CHRDL1: variants seen among roughly 807,000 people sequenced by gnomAD.
CHRDL1 encodes chordin-like protein 1.
CHRDL1 carries 19 observed loss-of-function variants against 40.9 expected under a neutral mutation model. The observed-to-expected ratio is 0.46, with a 90% CI of 0.32 to 0.68. CHRDL1 has a LOEUF of 0.68. CHRDL1 is among the 30% of genes least tolerant of loss of function. The pLI, the probability that CHRDL1 is intolerant of heterozygous loss-of-function variation, is 0.03. For synonymous variants in CHRDL1, 136 were observed against 123.4 expected (o/e 1.10, Z -0.68); for missense variants, 329 against 352.1 (o/e 0.93, Z 0.53).
chrX:110,716,380 G>A (rs183071602), intron 6 of CHRDL1, among the ~76,000 whole-genome samples: 23 of 109,952 alleles, frequency 2.1e-4, no homozygotes, highest in African/African-American at 6.3e-4. Flanking sequence ...ACTCTGCCTG[G>A]CACAGTGGGA....
chrX:110,723,585 C>G lies in CHRDL1; in HGVS notation c.302-2055G>C, dbSNP rs571431427. Among the ~76,000 whole-genome samples, 51 of 111,544 alleles carry G rather than the reference C, an allele frequency of 4.6e-4. 1 individual carries two copies. Among genetic ancestry groups the G allele is most frequent in the African/African-American group, 1.4e-3 (44 of 30,629 alleles). On this transcript the variant is annotated intron_variant, in intron 4 of 11. Transcript: ENST00000372042. ...GATATAACTTGATGTCTGACTGATT[C>G]TAGAACCTTCCCTCATAACCACTAT... is the stretch of plus-strand genomic sequence containing the variant.
chrX:110,779,879 C>G (rs138973885), intron 2 of CHRDL1, among the ~76,000 whole-genome samples: 7 of 111,581 alleles, frequency 6.3e-5, no homozygotes, highest in African/African-American at 9.7e-5. Flanking sequence ...TAGCTTTCAT[C>G]ATATAGATAC....
At chrX:110,731,434 T>A (rs1406602902) in intron 4 of CHRDL1, among the ~76,000 whole-genome samples, 1 of 111,215 alleles carries the variant, frequency 9.0e-6, no homozygotes, top group African/African-American at 3.3e-5. Flanking sequence ...AATCTAGCAG[T>A]CTCTCAAAAA....
Position 110,709,248 on chromosome X carries a change from T to C in CHRDL1, c.542-8527A>G, listed in dbSNP as rs142323162. 2.4e-3 allele frequency among the ~76,000 whole-genome samples: 270 copies of C among 112,509 alleles called. 1 individual carries two copies. The highest frequency in any genetic ancestry group is 8.0e-3 in the African/African-American group (247 of 31,019). On this transcript the variant is annotated intron_variant, in intron 6 of 11. Coordinates refer to ENST00000372042, the MANE Select transcript of CHRDL1 (RefSeq NM_001143981.2). ...TAGCTGCTATTCCTAATCCCCTTTC[T>C]TCCCATTCTTTGCCTCCACTTCTTT... is the stretch of plus-strand genomic sequence containing the variant.
At position 110,676,311 on chromosome X, in the gene CHRDL1, A is replaced by C. The variant is rs773594602; in HGVS notation, c.1297T>G (p.Ser433Ala). ...AGCTCTGTTCTGCATACACGACTTG[A>C]ACACATCTGGCTGATCTGAGCTTCT... ...EGEAQISQMCSSRVCRTELED... is the reference protein window; with the variant it reads ...EGEAQISQMCASRVCRTELED... The change falls in exon 12 of 12, where the codon TCA (serine) becomes GCA (alanine). Residue 433 changes from serine to alanine, a missense_variant. Transcript: ENST00000372042. 8.3e-7 allele frequency: 1 copy of C among 1,209,723 alleles called. No individual in the cohort carries two copies. Among genetic ancestry groups the C allele is most frequent in the Non-Finnish European group, 1.1e-6 (1 of 893,745 alleles).
chrX:110,763,706 G>T (rs2089608075), intron 2 of CHRDL1, among the ~76,000 whole-genome samples: 2 of 111,017 alleles, frequency 1.8e-5, no homozygotes, highest in African/African-American at 6.5e-5. Context: ...ACATGCGTGT[G>T]CAAGTATCTT....
At chrX:110,695,704 T>TATC (rs148706011) in intron 7 of CHRDL1, among the ~76,000 whole-genome samples, 49,387 of 110,269 alleles carry the variant, frequency 0.45, 9,264 homozygotes, top group African/African-American at 0.67. Context: ...CCCCTGACCA[T>TATC]ATCCCATAAA....
At chrX:110,750,070 C>G (rs1295877291) in intron 4 of CHRDL1, among the ~76,000 whole-genome samples, 1 of 111,482 alleles carries the variant, frequency 9.0e-6, no homozygotes, top group Non-Finnish European at 1.9e-5. Context: ...AGGCCCCTCT[C>G]CCTTTGTAAC....
chrX:110,697,041 C>G (rs747084082), intron 7 of CHRDL1, among the ~76,000 whole-genome samples: 2 of 111,398 alleles, frequency 1.8e-5, no homozygotes, highest in East Asian at 2.8e-4. Context: ...GAAATTGGAG[C>G]TTATCTTAAA....
chrX:110,766,567 C>T (rs2089665670), intron 2 of CHRDL1, among the ~76,000 whole-genome samples: 1 of 111,397 alleles, frequency 9.0e-6, no homozygotes, highest in African/African-American at 3.3e-5. Flanking sequence ...AACACCTTTA[C>T]ACACATAAAC....
chrX:110,718,023 C>T (rs2070875183), intron 6 of CHRDL1, among the ~76,000 whole-genome samples: 1 of 111,969 alleles, frequency 8.9e-6, no homozygotes, highest in South Asian at 3.7e-4. Flanking sequence ...ATTATTGGGT[C>T]CTCAGTATAT....
intron 7 of CHRDL1, among the ~76,000 whole-genome samples, chrX:110,699,629 T>C (rs767659100): frequency 5.3e-5 from 6 of 112,410 alleles, no homozygotes; most frequent in Non-Finnish European, 7.5e-5. Context: ...TCCAGATTGG[T>C]TTATATGCAT....
intron 7 of CHRDL1, among the ~76,000 whole-genome samples, chrX:110,699,270 C>A (rs779347771): frequency 9.0e-5 from 10 of 111,652 alleles, no homozygotes; most frequent in Admixed American, 3.8e-4. Context: ...AAGCTGGGAG[C>A]ATGCAAGTTA....
chrX:110,767,975 AACTAT>A (rs755564475), intron 2 of CHRDL1, among the ~76,000 whole-genome samples: 1 of 112,432 alleles, frequency 8.9e-6, no homozygotes, highest in African/African-American at 3.2e-5. Context: ...CCTGATTTCA[AACTAT>A]ACTATAAGGC....
chrX:110,709,226 C>A (rs2070701732), intron 6 of CHRDL1, among the ~76,000 whole-genome samples: 1 of 112,521 alleles, frequency 8.9e-6, no homozygotes, highest in Admixed American at 9.4e-5. Flanking sequence ...TAAATGTTAG[C>A]TGCTATTCCT....
chrX:110,724,701 C>A (rs1489020350), intron 4 of CHRDL1, among the ~76,000 whole-genome samples: 2 of 110,585 alleles, frequency 1.8e-5, no homozygotes, highest in African/African-American at 6.6e-5. Flanking sequence ...AGCTTCAGAG[C>A]AGGATCACTG....
chrX:110,773,959 T>A (rs1384989500), intron 2 of CHRDL1, among the ~76,000 whole-genome samples: 5 of 110,923 alleles, frequency 4.5e-5, no homozygotes, highest in Non-Finnish European at 7.6e-5. Context: ...GATCTATAAA[T>A]TACTAATAAA....
chrX:110,721,714 TATCC>T (rs768110433), intron 4 of CHRDL1, among the ~76,000 whole-genome samples, 184 bp from the exon 5 acceptor site: 1 of 111,898 alleles, frequency 8.9e-6, no homozygotes, highest in Non-Finnish European at 1.9e-5. Context: ...CATTATGATC[TATCC>T]ATCCATCCAT....
intron 4 of CHRDL1, among the ~76,000 whole-genome samples, chrX:110,729,775 T>C (rs1322285534): frequency 2.7e-5 from 3 of 111,790 alleles, no homozygotes; most frequent in Non-Finnish European, 5.6e-5. Context: ...TAAAGCTCCA[T>C]TGCTAATTAT....
Sources: gnomAD v4.1 joint callset for allele counts (sites outside exome capture counted in the v4.1 genomes callset) on GRCh38, gnomAD v4.1.1 for gene constraint, MANE v1.5 for transcripts, NCBI Gene and HGNC (gene_info 2026-07-23, HGNC 2026-07-21) for gene names.